The following CNOT4 variants were observed in gnomAD, a reference collection of about 807,000 sequenced individuals.
CNOT4 encodes CCR4-associated factor 4.
CNOT4 carries 8 observed loss-of-function variants against 73.8 expected under a neutral mutation model. That is an observed-to-expected ratio of 0.11 (90% confidence interval 0.06 to 0.20). CNOT4 has a LOEUF of 0.20. Among genes scored for constraint, CNOT4 ranks in the 10% least tolerant of loss-of-function variants. The probability of loss-of-function intolerance (pLI) is 1.00; values close to 1 mark genes in which losing one functional copy is unlikely to be tolerated. For synonymous variants in CNOT4, 293 were observed against 321.1 expected, an observed-to-expected ratio of 0.91 and a Z score of 0.94; for missense variants, 564 against 883.4, an observed-to-expected ratio of 0.64 and a Z score of 4.58.
intron 2 of CNOT4, among the ~76,000 whole-genome samples, chr7:135,437,698 C>T (rs192186071): frequency 6.0e-4 from 92 of 152,208 alleles, no homozygotes; most frequent in Middle Eastern, 6.8e-3. Flanking sequence ...ATCTTCTGAA[C>T]GAGGATTTCT....
intron 1 of CNOT4, among the ~76,000 whole-genome samples, chr7:135,441,200 A>AT (rs1372756221): frequency 7.0e-6 from 1 of 142,326 alleles, no homozygotes; most frequent in Admixed American, 7.4e-5. Context: ...GAGACTACTA[A>AT]TTTTTTAAAG....
intron 2 of CNOT4, among the ~76,000 whole-genome samples, chr7:135,432,993 T>A (rs543825048): frequency 4.6e-5 from 7 of 152,324 alleles, no homozygotes; most frequent in Admixed American, 2.6e-4. Flanking sequence ...TAAAAAAGTT[T>A]GTGCTGGACA....
intron 1 of CNOT4, among the ~76,000 whole-genome samples, chr7:135,479,980 CAAGTAT>C (rs1471333774): frequency 2.0e-5 from 3 of 152,100 alleles, no homozygotes; most frequent in East Asian, 1.9e-4. Flanking sequence ...TCTGAAGAAA[CAAGTAT>C]AAGAAACATT....
chr7:135,452,833 G>A (rs1361426270), intron 1 of CNOT4, among the ~76,000 whole-genome samples: 2 of 152,118 alleles, frequency 1.3e-5, no homozygotes, highest in Admixed American at 6.6e-5. Context: ...CTCAGGAGGA[G>A]GCCAGGAGTT....
intron 1 of CNOT4, among the ~76,000 whole-genome samples, chr7:135,500,526 T>C (rs992983612): frequency 6.6e-6 from 1 of 152,096 alleles, no homozygotes; most frequent in African/African-American, 2.4e-5. Flanking sequence ...CCAAAACATA[T>C]ACGGCTGATG....
At chr7:135,459,020 G>A (rs1488277112) in intron 1 of CNOT4, among the ~76,000 whole-genome samples, 1 of 151,966 alleles carries the variant, frequency 6.6e-6, no homozygotes, top group Non-Finnish European at 1.5e-5. Flanking sequence ...ACTATCTACA[G>A]CAACTATAGC....
At chr7:135,445,830 G>A (rs967118390) in intron 1 of CNOT4, among the ~76,000 whole-genome samples, 1 of 152,154 alleles carries the variant, frequency 6.6e-6, no homozygotes, top group Non-Finnish European at 1.5e-5. Context: ...TGCTTTAAGT[G>A]AAATAAGCCA....
chr7:135,382,705 G>A (rs747970440), intron 10 of CNOT4, among the ~76,000 whole-genome samples: 2 of 152,010 alleles, frequency 1.3e-5, no homozygotes, highest in Non-Finnish European at 1.5e-5. Flanking sequence ...TGCAGTTTTC[G>A]TCAGTCTCTA....
intron 1 of CNOT4, among the ~76,000 whole-genome samples, chr7:135,474,324 G>A (rs1382123076): frequency 8.1e-6 from 1 of 123,066 alleles, no homozygotes; most frequent in East Asian, 2.3e-4. Context: ...TCGCTCTGTC[G>A]CCCAGGCTGG....
chr7:135,498,704 A>G (rs1803757686), intron 1 of CNOT4, among the ~76,000 whole-genome samples: 1 of 152,108 alleles, frequency 6.6e-6, no homozygotes, highest in Non-Finnish European at 1.5e-5. Context: ...ACATGCCACC[A>G]TGCCCGGCTA....
chr7:135,378,994 A>AAC (rs1392524153), intron 10 of CNOT4, among the ~76,000 whole-genome samples: 70 of 151,854 alleles, frequency 4.6e-4, no homozygotes, highest in African/African-American at 1.7e-3. Flanking sequence ...CAAAAAAAAA[A>AAC]AAAAAAAGGA....
chr7:135,465,882 T>C (rs1432989326), intron 1 of CNOT4, among the ~76,000 whole-genome samples: 1 of 151,816 alleles, frequency 6.6e-6, no homozygotes, highest in East Asian at 2.0e-4. Flanking sequence ...ACCCCAGCTC[T>C]ACTAAAACTA....
At chr7:135,506,429 C>T (rs997657304) in intron 1 of CNOT4, among the ~76,000 whole-genome samples, 1 of 152,148 alleles carries the variant, frequency 6.6e-6, no homozygotes, top group Non-Finnish European at 1.5e-5. Flanking sequence ...AGAGAGCTAA[C>T]TAACTGAATT....
intron 1 of CNOT4, among the ~76,000 whole-genome samples, chr7:135,470,422 T>C (rs1264645766): frequency 1.3e-5 from 2 of 152,094 alleles, no homozygotes; most frequent in Non-Finnish European, 2.9e-5. Flanking sequence ...TAAGCTACCA[T>C]GCTTGGCCTG....
chr7:135,410,590 G>A lies in CNOT4; in HGVS notation c.746C>T (p.Pro249Leu). 6.3e-7 allele frequency: 1 copy of A among 1,590,570 alleles called. No homozygotes were observed. The highest frequency in any genetic ancestry group is 2.3e-5 in the East Asian group (1 of 43,286). ...ACCCGTAGATAGCTGAAGAAAATTG[G>A]GATTTAATTTATATAATTCTTGAAG... The part of the protein sequence containing the change: ...KLLQELYKLN[P>L]NFLQLSTGSV... The change falls in exon 7 of 12, where the codon CCC (proline) becomes CTC (leucine). Residue 249 changes from proline (P) to leucine (L), a missense_variant. Physicochemically the swap from Pro to Leu is moderately conservative, Grantham distance 98. This residue lies in a region of CNOT4 where 135 missense variants were observed against 154.0 expected (regional missense o/e 0.88). Transcript: ENST00000541284.
intron 1 of CNOT4, among the ~76,000 whole-genome samples, chr7:135,458,455 A>G (rs1379831913): frequency 3.9e-5 from 6 of 151,982 alleles, no homozygotes; most frequent in Admixed American, 6.6e-5. Flanking sequence ...TAAGACAACA[A>G]TAAAGTTTGC....
At chr7:135,384,833 G>A in intron 10 of CNOT4, 1 of 706,230 alleles carries the variant, frequency 1.4e-6, no homozygotes, top group Non-Finnish European at 2.6e-6. Flanking sequence ...CAACTTTGTT[G>A]TCAAATGTCT....
rs1802250903 is a variant in CNOT4, at chr7:135,479,846, C to A, written c.-93+30043G>T. ...TGGAGGCTGCAGTAAGCCAAGATCG[C>A]ACCACTGCACTCCAGGCTGGGTGAC... is the stretch of plus-strand genomic sequence containing the variant. On this transcript the variant is annotated intron_variant, in intron 1 of 11. Transcript: ENST00000541284. Among the ~76,000 whole-genome samples, 7 of 152,046 alleles carry A rather than the reference C, an allele frequency of 4.6e-5. No homozygotes were observed. The South Asian group carries it at 1.5e-3, about 32-fold the overall frequency.
chr7:135,453,989 CATAT>C (rs371504271), intron 1 of CNOT4, among the ~76,000 whole-genome samples: 43 of 134,002 alleles, frequency 3.2e-4, no homozygotes, highest in African/African-American at 1.1e-3. Context: ...AATATATATA[CATAT>C]ATATATATAT....
Sources: allele counts gnomAD v4.1 joint callset (sites outside exome capture counted in the v4.1 genomes callset), GRCh38; gene constraint gnomAD v4.1.1; regional missense constraint gnomAD v4.1.1; transcripts MANE v1.5; gene names NCBI Gene and HGNC (gene_info 2026-07-23, HGNC 2026-07-21).